BAZ1B: variants seen among roughly 807,000 people sequenced by gnomAD.
The protein encoded by BAZ1B is tyrosine-protein kinase BAZ1B.
In BAZ1B, 22 loss-of-function variants were observed where a neutral mutation model predicts 153.8. The observed-to-expected ratio is 0.14, with a 90% CI of 0.10 to 0.20. The LOEUF (loss-of-function observed/expected upper bound fraction) is 0.20, where lower values mean the gene tolerates loss of function less well. BAZ1B is among the 10% of genes least tolerant of loss of function. The probability of loss-of-function intolerance (pLI) is 1.00; values close to 1 mark genes in which losing one functional copy is unlikely to be tolerated. For synonymous variants in BAZ1B, 676 were observed against 633.4 expected, an observed-to-expected ratio of 1.07 and a Z score of -1.01; for missense variants, 1,325 against 1,799.3, an observed-to-expected ratio of 0.74 and a Z score of 4.77.
chr7:73,516,585 C>G (rs1247194596), intron 1 of BAZ1B, among the ~76,000 whole-genome samples: 1 of 151,182 alleles, frequency 6.6e-6, no homozygotes, highest in East Asian at 2.0e-4. Flanking sequence ...GAATTCGAGA[C>G]CAGCCTAGCC....
At chr7:73,443,648 G>A (rs563729151) in intron 17 of BAZ1B, among the ~76,000 whole-genome samples, 1 of 152,198 alleles carries the variant, frequency 6.6e-6, no homozygotes, top group Non-Finnish European at 1.5e-5. Context: ...AGTAAGTGAG[G>A]CTCCAGCATT....
intron 4 of BAZ1B, among the ~76,000 whole-genome samples, chr7:73,493,367 G>C (rs1270646921): frequency 2.0e-5 from 3 of 152,088 alleles, no homozygotes; most frequent in African/African-American, 7.2e-5. Context: ...GGCTGAGGTA[G>C]GAGAATCACT....
intron 2 of BAZ1B, 36 bp from the exon 3 acceptor site, chr7:73,508,507 A>C (rs782269717): frequency 6.4e-7 from 1 of 1,572,326 alleles, no homozygotes; most frequent in East Asian, 2.3e-5. Flanking sequence ...GAAAACACAG[A>C]AACACCTACC....
chr7:73,472,061 C>T (rs1305307077), intron 7 of BAZ1B, among the ~76,000 whole-genome samples: 1 of 152,184 alleles, frequency 6.6e-6, no homozygotes, highest in African/African-American at 2.4e-5. Context: ...AAATACTGAT[C>T]TTGGTAAAAC....
intron 4 of BAZ1B, among the ~76,000 whole-genome samples, chr7:73,493,264 C>A (rs1398140538): frequency 6.6e-6 from 1 of 151,724 alleles, no homozygotes; most frequent in Non-Finnish European, 1.5e-5. Context: ...AGTTCGAGAC[C>A]AGCCTGACCA....
At chr7:73,521,678 TGA>T in intron 1 of BAZ1B, 147 bp downstream of exon 1, 2 of 518,924 alleles carry the variant, frequency 3.9e-6, no homozygotes, top group South Asian at 9.6e-5. Context: ...GGGCGCAGGC[TGA>T]GACTCAGCCT....
Position 73,442,213 on chromosome 7 carries a change from G to A in BAZ1B, c.4435C>T (p.Arg1479Ter), listed in dbSNP as rs1563359118. 5 of 1,540,500 alleles carry A rather than the reference G, an allele frequency of 3.2e-6. No homozygotes were observed. Among genetic ancestry groups the A allele is most frequent in the East Asian group, 2.5e-5 (1 of 40,804 alleles). Residue 1479 changes from arginine to a stop codon, truncating the protein, a stop_gained, in exon 19 of 20, where the codon CGA becomes TGA. Transcript: ENST00000339594. LOFTEE classifies it high-confidence loss of function. ...CTGCCTCTCTACTTCTTCTGTCTTC[G>A]TCCCCTGGACTGTCCAACGGCCTCT... ...EPEAVGQSRGRRQKK is the reference protein window; with the variant it reads ...EPEAVGQSRG
intron 6 of BAZ1B, among the ~76,000 whole-genome samples, chr7:73,485,960 T>C (rs1554574430): frequency 6.6e-6 from 1 of 152,198 alleles, no homozygotes; most frequent in Non-Finnish European, 1.5e-5. Context: ...AGATTTCATC[T>C]TAGATGACAG....
chr7:73,516,918 C>T (rs1343052427), intron 1 of BAZ1B, among the ~76,000 whole-genome samples: 2 of 151,908 alleles, frequency 1.3e-5, no homozygotes, highest in African/African-American at 2.4e-5. Flanking sequence ...TGGTGGCTCA[C>T]GCCTGTAATC....
intron 12 of BAZ1B, chr7:73,462,478 C>G (rs1029311553): frequency 1.0e-4 from 19 of 189,492 alleles, no homozygotes; most frequent in Middle Eastern, 2.5e-3. Context: ...CAATAAAGGA[C>G]AGGACTGTAA....
intron 3 of BAZ1B, among the ~76,000 whole-genome samples, chr7:73,501,046 C>T (rs1390153957): frequency 6.6e-6 from 1 of 152,036 alleles, no homozygotes; most frequent in African/African-American, 2.4e-5. Flanking sequence ...CACCTGAGGT[C>T]GGGAGTTCGA....
chr7:73,478,868 CCAG>C (rs1395723107), intron 6 of BAZ1B, among the ~76,000 whole-genome samples: 1 of 152,102 alleles, frequency 6.6e-6, no homozygotes, highest in Admixed American at 6.6e-5. Flanking sequence ...GTGAACCCCT[CCAG>C]CAGAAATAGT....
At chr7:73,470,568 GC>G in intron 7 of BAZ1B, 85 bp from the exon 8 acceptor site, 1 of 1,488,730 alleles carries the variant, frequency 6.7e-7, no homozygotes, top group Non-Finnish European at 9.1e-7. Context: ...AGTAAAAAGT[GC>G]CTAGTATACA....
chr7:73,508,547 TTTC>T, intron 2 of BAZ1B, 76 bp from the exon 3 acceptor site: 1 of 1,412,920 alleles, frequency 7.1e-7, no homozygotes, highest in Non-Finnish European at 9.5e-7. Context: ...AATTCAAACA[TTTC>T]TTTCTTTCTT....
chr7:73,442,784 C>T lies in BAZ1B; in HGVS notation c.4035G>A (p.Leu1345=), dbSNP rs1554565480. ...KRSSRRQSLE[L]QKCEEILHKI... is the part of the protein sequence containing the mutation. ...TGTGGAGGATCTCTTCACACTTCTG[C>T]AGCTCCAGGCTTTGCCTCCGGGAGC... Residue 1345 remains leucine (L), a synonymous_variant, in exon 18 of 20, where the codon CTG becomes CTA. Coordinates refer to ENST00000339594, the MANE Select transcript of BAZ1B (RefSeq NM_032408.4). 2 of 1,614,188 alleles carry T rather than the reference C, an allele frequency of 1.2e-6. No individual in the cohort carries two copies. Among genetic ancestry groups the T allele is most frequent in the East Asian group, 4.5e-5 (2 of 44,882 alleles).
At chr7:73,476,571 C>G (rs943904068) in intron 7 of BAZ1B, among the ~76,000 whole-genome samples, 5 of 152,162 alleles carry the variant, frequency 3.3e-5, no homozygotes, top group Non-Finnish European at 5.9e-5. Flanking sequence ...CAGTCAACTC[C>G]CAAGTCCTAT....
chr7:73,451,754 C>T (rs1414172925), intron 13 of BAZ1B, among the ~76,000 whole-genome samples: 1 of 152,256 alleles, frequency 6.6e-6, no homozygotes, highest in African/African-American at 2.4e-5. Context: ...CAATCTCCTT[C>T]CTTACTTTTG....
chr7:73,508,822 G>C (rs566684008), intron 2 of BAZ1B, among the ~76,000 whole-genome samples: 2 of 151,552 alleles, frequency 1.3e-5, no homozygotes, highest in Non-Finnish European at 2.9e-5. Context: ...GACCATCCTG[G>C]CTAACACGAT....
intron 7 of BAZ1B, among the ~76,000 whole-genome samples, chr7:73,475,777 G>A (rs1238415413): frequency 6.6e-6 from 1 of 151,962 alleles, no homozygotes; most frequent in Non-Finnish European, 1.5e-5. Context: ...CACAAAAATT[G>A]GCCAGGCATG....
Sources: allele counts gnomAD v4.1 joint callset (sites outside exome capture counted in the v4.1 genomes callset), GRCh38; gene constraint gnomAD v4.1.1; transcripts MANE v1.5; gene names NCBI Gene and HGNC (gene_info 2026-07-23, HGNC 2026-07-21).